TNNT1: variants seen among roughly 807,000 people sequenced by gnomAD.
TNNT1 encodes the protein troponin T, slow skeletal muscle.
A neutral mutation model predicts 50.6 loss-of-function variants in TNNT1; 53 were observed. The ratio of observed to expected loss-of-function variants is 1.05; its 90% confidence interval spans 0.84 to 1.32. The LOEUF (loss-of-function observed/expected upper bound fraction) is 1.32, where lower values mean the gene tolerates loss of function less well. Among genes scored for constraint, TNNT1 ranks in the 40% most tolerant of loss-of-function variants. TNNT1 has a pLI of 0.00. For synonymous variants in TNNT1, 142 were observed against 138.0 expected (o/e 1.03, Z -0.20); for missense variants, 348 against 381.7 (o/e 0.91, Z 0.74).
At chr19:55,146,403 C>A (rs1265487538) in intron 5 of TNNT1, 31 bp downstream of exon 5, 5 of 1,280,056 alleles carry the variant, frequency 3.9e-6, no homozygotes, top group Non-Finnish European at 5.0e-6. Context: ...CCCCCGACAT[C>A]GGTCTCGGGA....
intron 11 of TNNT1, chr19:55,135,605 G>C (rs1428722119): frequency 6.2e-6 from 1 of 160,260 alleles, no homozygotes; most frequent in Non-Finnish European, 1.3e-5. Context: ...TCGGCTCACC[G>C]CAACCTCCGC....
intron 6 of TNNT1, 35 bp from the exon 7 acceptor site, chr19:55,141,955 C>A (rs1386516263): frequency 6.2e-7 from 1 of 1,609,794 alleles, no homozygotes. Flanking sequence ...CATGAGTGGC[C>A]CGACCTCCCT....
rs1392819097 is a variant in TNNT1 at position 55,140,939 on chromosome 19, C to T, written c.331G>A (p.Ala111Thr). The T allele has an allele frequency of 6.2e-7, 1 of 1,613,778 alleles. No homozygotes were observed. Among genetic ancestry groups the T allele is most frequent in the Non-Finnish European group, 8.5e-7 (1 of 1,180,040 alleles). ...ERIERRRSER[A>T]EQQRFRTEKE... ...TCAGTTCTGAAGCGCTGTTGCTCGG[C>T]TCTCTCTGACCGGCGCCGCTCCTGG... Residue 111 changes from alanine (A) to threonine (T), a missense_variant, in exon 9 of 14, where the codon GCC becomes ACC. Coordinates refer to ENST00000588981, the MANE Select transcript of TNNT1 (RefSeq NM_003283.6).
intron 1 of TNNT1, chr19:55,147,938 G>T: frequency 6.3e-6 from 1 of 159,634 alleles, no homozygotes; most frequent in Non-Finnish European, 1.4e-5. Context: ...GAGGGCTCAG[G>T]TCTGGACTCT....
At chr19:55,145,371 G>A in intron 6 of TNNT1, 173 bp downstream of exon 6, 2 of 671,092 alleles carry the variant, frequency 3.0e-6, no homozygotes, top group Non-Finnish European at 2.7e-6. Flanking sequence ...GAGGGAGGAG[G>A]AGGGAGAGGA....
intron 11 of TNNT1, chr19:55,135,404 T>C: frequency 4.2e-6 from 1 of 235,896 alleles, no homozygotes; most frequent in South Asian, 3.4e-5. Context: ...TTCCTTCTTT[T>C]CTTTCTTTTC....
intron 1 of TNNT1, among the ~76,000 whole-genome samples, chr19:55,148,261 C>T (rs932784047): frequency 3.3e-5 from 5 of 151,898 alleles, no homozygotes; most frequent in Admixed American, 1.3e-4. Context: ...GAATTAGTCA[C>T]CCGCATCCCC....
intron 6 of TNNT1, 117 bp downstream of exon 6, chr19:55,145,427 C>G: frequency 1.1e-6 from 1 of 910,130 alleles, no homozygotes; most frequent in Non-Finnish European, 1.8e-6. Flanking sequence ...GGAGAAATGT[C>G]GACTGCTGTT....
chr19:55,147,724 A>C (rs546175440), intron 1 of TNNT1, among the ~76,000 whole-genome samples: 2,448 of 109,702 alleles, frequency 0.022, 164 homozygotes, highest in African/African-American at 0.08. Context: ...AGGGGCCTGG[A>C]CGCCTGGGTC....
chr19:55,136,016 C>A (rs2085341414), intron 11 of TNNT1, among the ~76,000 whole-genome samples: 1 of 152,068 alleles, frequency 6.6e-6, no homozygotes, highest in Non-Finnish European at 1.5e-5. Flanking sequence ...GACATTTTGC[C>A]CCCTGGAGAG....
Position 55,146,682 on chromosome 19 carries a change from T to C in TNNT1, c.72A>G (p.Glu24=). The change falls in exon 4 of 14, where the codon GAA becomes GAG. Residue 24 remains glutamate (E), a splice_region_variant and synonymous_variant. Transcript: ENST00000588981. ...GACCTGCGGAGTCCGGGACCTCACC[T>C]TCCTCCTCCTCCTCCGCAGCCTCCT... ...PEEEAAEEEE[E]APEEPEPVAE... The C allele has an allele frequency of 7.5e-7, 1 of 1,342,272 alleles. No individual in the cohort carries two copies. Among genetic ancestry groups the C allele is most frequent in the East Asian group, 3.9e-5 (1 of 25,760 alleles). The allele number at this position is 1,342,272 out of a possible 1,614,324, so 83.1% of individuals were successfully genotyped here.
rs1042278625 is a variant in TNNT1 at position 55,134,176 on chromosome 19, G to A, written c.640C>T (p.Gln214Ter). 1.9e-6 allele frequency: 3 copies of A among 1,589,948 alleles called. No individual in the cohort carries two copies. Among genetic ancestry groups the A allele is most frequent in the African/African-American group, 1.3e-5 (1 of 74,668 alleles). Residue 214 changes from glutamine (Q) to a stop codon, truncating the protein, a stop_gained, in exon 12 of 14, where the codon CAG becomes TAG. Coordinates refer to ENST00000588981, the MANE Select transcript of TNNT1 (RefSeq NM_003283.6). LOFTEE classifies it high-confidence loss of function. The part of the protein sequence containing the change: ...RARSAWLPPS[Q>*]PSCPAREKAQ... Reference sequence around the variant, plus strand: ...TTCTCCCTGGCAGGGCAGGAGGGCTGTGATGGAGGCAGCCAGGCAGACCGG... The same window carrying A: ...TTCTCCCTGGCAGGGCAGGAGGGCTATGATGGAGGCAGCCAGGCAGACCGG...
chr19:55,133,608 A>T, intron 13 of TNNT1: 2 of 517,586 alleles, frequency 3.9e-6, no homozygotes, highest in South Asian at 4.4e-5. Context: ...AACCCGGGAG[A>T]TGGAAGTTGC....
intron 3 of TNNT1, 55 bp downstream of exon 3, chr19:55,146,953 C>T (rs902344641): frequency 2.6e-6 from 4 of 1,545,298 alleles, no homozygotes; most frequent in African/African-American, 2.7e-5. Flanking sequence ...GCCTCCCCTC[C>T]CAAGAGCTCC....
intron 11 of TNNT1, among the ~76,000 whole-genome samples, chr19:55,135,813 G>A (rs951770643): frequency 2.0e-5 from 3 of 152,022 alleles, no homozygotes; most frequent in Non-Finnish European, 4.4e-5. Flanking sequence ...GAGCCGCCGC[G>A]CCCGCCCGGC....
chr19:55,134,233 G>A (rs1363764376), intron 11 of TNNT1, 29 bp from the exon 12 acceptor site: 1 of 1,551,716 alleles, frequency 6.4e-7, no homozygotes, highest in Admixed American at 2.0e-5. Context: ...AGGAACTTGG[G>A]CCCAGAGAGG....
At chr19:55,147,792 G>T (rs1279709121) in intron 1 of TNNT1, among the ~76,000 whole-genome samples, 1 of 146,808 alleles carries the variant, frequency 6.8e-6, no homozygotes, top group African/African-American at 2.5e-5. Flanking sequence ...GGGTCTGGGG[G>T]CCTGGCCTCC....
chr19:55,141,963 CCT>C, intron 6 of TNNT1, 43 bp from the exon 7 acceptor site: 1 of 1,596,988 alleles, frequency 6.3e-7, no homozygotes, highest in Non-Finnish European at 8.6e-7. Context: ...GCCCGACCTC[CCT>C]GAGCCACCTC....
chr19:55,137,719 C>G (rs1173917255), intron 10 of TNNT1, among the ~76,000 whole-genome samples: 1 of 137,616 alleles, frequency 7.3e-6, no homozygotes, highest in Admixed American at 7.1e-5. Context: ...ACCCAGGCGT[C>G]CAGGCCCTCA....
Sources: allele counts gnomAD v4.1 joint callset (sites outside exome capture counted in the v4.1 genomes callset), GRCh38; gene constraint gnomAD v4.1.1; transcripts MANE v1.5; gene names NCBI Gene and HGNC (gene_info 2026-07-23, HGNC 2026-07-21).